The following ITSN2 variants were observed in gnomAD, a reference collection of about 807,000 sequenced individuals.
The protein encoded by ITSN2 is intersectin 2.
Under a neutral mutation model 243.7 loss-of-function variants are expected in ITSN2, and 156 were observed. The ratio of observed to expected loss-of-function variants is 0.64; its 90% CI spans 0.56 to 0.73. ITSN2 has a LOEUF of 0.73. Among genes scored for constraint, ITSN2 ranks in the 30% least tolerant of loss-of-function variants. The pLI is 0.00. For synonymous variants in ITSN2, 703 were observed against 699.9 expected (o/e 1.00, Z -0.07); for missense variants, 1,801 against 1,996.1 (o/e 0.90, Z 1.86).
In ITSN2 at chr2:24,218,012, A is replaced by G. The variant is rs1670128362; in HGVS notation, c.3701T>C (p.Val1234Ala). 4 of 1,611,754 alleles carry G rather than the reference A, an allele frequency of 2.5e-6. No individual in the cohort carries two copies. Among genetic ancestry groups the G allele is most frequent in the Non-Finnish European group, 3.4e-6 (4 of 1,177,892 alleles). ...TGACTCTGCCATGCGTTTCTGAAAA[A>G]CCTAAAGTCAAAACATAGAAAAACT... ...YMADLQLVVE[V>A]FQKRMAESGF... is the part of the protein sequence containing the mutation. The change falls in exon 31 of 40, where the codon GTT becomes GCT. Residue 1234 changes from valine (V) to alanine (A), a missense_variant and splice_region_variant. This residue lies in a region of ITSN2 where 928 missense variants were observed against 1,065.4 expected (regional missense o/e 0.87). Coordinates refer to ENST00000355123, the MANE Select transcript of ITSN2 (RefSeq NM_006277.3).
chr2:24,312,107 TG>T, intron 5 of ITSN2, 104 bp downstream of exon 5: 2 of 864,064 alleles, frequency 2.3e-6, no homozygotes, highest in South Asian at 2.4e-5. Flanking sequence ...ACTTGGAATC[TG>T]GGGACTGTCA....
At chr2:24,260,633 C>A (rs1350038095) in intron 22 of ITSN2, among the ~76,000 whole-genome samples, 1 of 152,058 alleles carries the variant, frequency 6.6e-6, no homozygotes, top group Non-Finnish European at 1.5e-5. Context: ...CTAGGCCGGG[C>A]GCAGTGGCTC....
intron 37 of ITSN2, 81 bp from the exon 38 acceptor site, chr2:24,205,378 C>A (rs1020793685): frequency 1.7e-6 from 2 of 1,186,506 alleles, no homozygotes; most frequent in African/African-American, 1.5e-5. Context: ...ATAACACTAC[C>A]GGCTCCCTGT....
chr2:24,205,638 G>A (rs547195336), intron 37 of ITSN2: 3 of 277,596 alleles, frequency 1.1e-5, no homozygotes, highest in South Asian at 4.6e-5. Context: ...GTCTGAAATC[G>A]TGTGTAATGT....
chr2:24,295,295 TAGA>T lies in ITSN2; in HGVS notation c.1635+366_1635+368del, dbSNP rs557416273. ...ATTGACCCCCAAAACAAAACTCTAT[TAGA>T]AGAACTGTTTCGTTTTGTTTTGTTT... On this transcript the variant is annotated intron_variant, in intron 14 of 39. Coordinates refer to ENST00000355123, the MANE Select transcript of ITSN2 (RefSeq NM_006277.3). 6.6e-3 allele frequency among the ~76,000 whole-genome samples: 1,002 copies of T among 152,294 alleles called. 11 individuals carry two copies. The highest frequency in any genetic ancestry group is 0.022 in the South Asian group (106 of 4,820).
At chr2:24,298,843 T>C in intron 12 of ITSN2, 29 bp from the exon 13 acceptor site, 3 of 1,569,710 alleles carry the variant, frequency 1.9e-6, no homozygotes. Flanking sequence ...TATACTTAAT[T>C]TTTAAATCAA....
At chr2:24,222,497 A>G (rs1670563472) in intron 29 of ITSN2, among the ~76,000 whole-genome samples, 1 of 151,986 alleles carries the variant, frequency 6.6e-6, no homozygotes, top group African/African-American at 2.4e-5. Context: ...TGCCTGTCCA[A>G]CCTCGGACAA....
At chr2:24,298,865 G>C in intron 12 of ITSN2, 51 bp from the exon 13 acceptor site, 1 of 1,532,148 alleles carries the variant, frequency 6.5e-7, no homozygotes, top group Non-Finnish European at 8.8e-7. Flanking sequence ...AATTTTGCAC[G>C]ATTCAAAAAC....
chr2:24,254,474 C>T, intron 23 of ITSN2, 43 bp from the exon 24 acceptor site: 2 of 1,462,784 alleles, frequency 1.4e-6, no homozygotes, highest in South Asian at 2.3e-5. Context: ...CAAACAAATA[C>T]AAGCAAAAAT....
chr2:24,334,956 G>T (rs941915787), intron 1 of ITSN2: 13 of 365,858 alleles, frequency 3.6e-5, no homozygotes, highest in South Asian at 3.1e-4. Flanking sequence ...CCAGCTACTC[G>T]GGAGGCTGAG....
chr2:24,357,218 A>C (rs143374889), intron 1 of ITSN2, among the ~76,000 whole-genome samples: 1 of 152,312 alleles, frequency 6.6e-6, no homozygotes, highest in East Asian at 1.9e-4. Flanking sequence ...AAAGACACCA[A>C]ACCAACCCAA....
intron 17 of ITSN2, among the ~76,000 whole-genome samples, chr2:24,280,320 A>C (rs146301727): frequency 6.6e-6 from 1 of 152,266 alleles, no homozygotes; most frequent in Non-Finnish European, 1.5e-5. Flanking sequence ...CACTACCAGG[A>C]CCAGTTCCAT....
rs1283018361 is a variant in ITSN2, at chr2:24,225,412, A to G, written c.3578-4346T>C. Among the ~76,000 whole-genome samples, 3 of 152,072 alleles carry G rather than the reference A, an allele frequency of 2.0e-5. No individual in the cohort carries two copies. On this transcript the variant is annotated intron_variant, in intron 29 of 39. Transcript: ENST00000355123. This position sits in a 1 kb window ranked among gnomAD's most constrained non-coding sequence, Gnocchi z 4.2. ...TCTGGTTTCTGCCCCACTGCCCGAC[A>G]CTGCTCTCGGGAAGGTATCGATGAC... is the stretch of plus-strand genomic sequence containing the variant.
chr2:24,332,378 A>G (rs1431561178), intron 1 of ITSN2, among the ~76,000 whole-genome samples: 1 of 152,246 alleles, frequency 6.6e-6, no homozygotes, highest in East Asian at 1.9e-4. Flanking sequence ...AGAATGCCAA[A>G]TAGTAGATGC....
At chr2:24,314,927 A>G (rs757860321) in intron 3 of ITSN2, among the ~76,000 whole-genome samples, 2 of 152,246 alleles carry the variant, frequency 1.3e-5, no homozygotes, top group African/African-American at 2.4e-5. Flanking sequence ...GATTCAGGAA[A>G]AATCTTCCAT....
At chr2:24,205,362 C>G in intron 37 of ITSN2, 65 bp from the exon 38 acceptor site, 4 of 1,353,672 alleles carry the variant, frequency 3.0e-6, no homozygotes, top group Non-Finnish European at 4.2e-6. Context: ...GTCTTTCAAA[C>G]CAACCATAAC....
At chr2:24,207,952 G>C (rs1669076318) in intron 37 of ITSN2, among the ~76,000 whole-genome samples, 1 of 151,918 alleles carries the variant, frequency 6.6e-6, no homozygotes, top group Non-Finnish European at 1.5e-5. Context: ...GGTGAGGTGA[G>C]TCATGGAGAG....
chr2:24,251,328 A>AAAAATAAAAAAAAATAT (rs1358585681), intron 25 of ITSN2, among the ~76,000 whole-genome samples: 1 of 6,990 alleles, frequency 1.4e-4, no homozygotes, highest in African/African-American at 4.5e-4. Flanking sequence ...AAAAAAATAA[A>AAAAATAAAAAAAAATAT]ATATATATAT....
intron 5 of ITSN2, among the ~76,000 whole-genome samples, chr2:24,311,452 A>G (rs1683250487): frequency 6.6e-6 from 1 of 152,144 alleles, no homozygotes; most frequent in South Asian, 2.1e-4. Context: ...GTGCGATCAT[A>G]GCACAGTACA....
Sources: gnomAD v4.1 joint callset for allele counts (sites outside exome capture counted in the v4.1 genomes callset) on GRCh38, gnomAD v4.1.1 for gene constraint, gnomAD v4.1.1 regional missense constraint, Gnocchi (gnomAD v3.1) non-coding constraint, MANE v1.5 for transcripts, NCBI Gene and HGNC (gene_info 2026-07-23, HGNC 2026-07-21) for gene names.